The following PRKCA variants were observed in gnomAD, a reference collection of about 807,000 sequenced individuals.
PRKCA encodes protein kinase C alpha type.
In PRKCA, 27 loss-of-function variants were observed where a neutral mutation model predicts 87.0. That is an observed-to-expected ratio of 0.31 (90% CI 0.23 to 0.43). The LOEUF (loss-of-function observed/expected upper bound fraction) is 0.43. Ranked by LOEUF, PRKCA falls within the 20% of genes least tolerant of loss-of-function variation. The pLI, the probability that PRKCA is intolerant of heterozygous loss-of-function variation, is 1.00. For synonymous variants in PRKCA, 329 were observed against 311.1 expected, an observed-to-expected ratio of 1.06 and a Z score of -0.61; for missense variants, 518 against 852.3, an observed-to-expected ratio of 0.61 and a Z score of 4.88.
At chr17:66,634,278 T>C (rs1263550880) in intron 3 of PRKCA, among the ~76,000 whole-genome samples, 1 of 152,230 alleles carries the variant, frequency 6.6e-6, no homozygotes, top group Non-Finnish European at 1.5e-5. Context: ...AGTGATTAGC[T>C]CAAAGCCTTC....
intron 8 of PRKCA, among the ~76,000 whole-genome samples, chr17:66,715,128 T>G (rs539308099): frequency 4.0e-5 from 6 of 150,558 alleles, no homozygotes; most frequent in African/African-American, 1.5e-4. Flanking sequence ...TTTTGTTTTT[T>G]GGTTTTTTTT....
At chr17:66,768,157 C>T (rs907538276) in intron 13 of PRKCA, among the ~76,000 whole-genome samples, 18 of 151,858 alleles carry the variant, frequency 1.2e-4, no homozygotes, top group Admixed American at 2.6e-4. Context: ...TTGGCCACTC[C>T]GGTCCCAAAC....
chr17:66,507,707 C>T (rs187218495), intron 3 of PRKCA, among the ~76,000 whole-genome samples: 1 of 152,212 alleles, frequency 6.6e-6, no homozygotes, highest in Non-Finnish European at 1.5e-5. Flanking sequence ...TGGAAAGATC[C>T]GTTTCAAGTG....
intron 3 of PRKCA, among the ~76,000 whole-genome samples, chr17:66,526,186 T>G (rs979338751): frequency 6.6e-6 from 1 of 152,194 alleles, no homozygotes; most frequent in Non-Finnish European, 1.5e-5. Context: ...ATAGCTGAAA[T>G]ATGTGCCTAT....
At chr17:66,444,154 G>A (rs1033224721) in intron 2 of PRKCA, among the ~76,000 whole-genome samples, 9 of 152,194 alleles carry the variant, frequency 5.9e-5, no homozygotes, top group African/African-American at 1.9e-4. Flanking sequence ...ATTCAAAGGC[G>A]CGAGATGTCA....
chr17:66,777,333 A>G lies in PRKCA; in HGVS notation c.1605+3266A>G, dbSNP rs189424224. 1.7e-4 allele frequency: 168 copies of G among 985,312 alleles called. 1 individual carries two copies. In the East Asian group the frequency reaches 0.012, roughly 69 times the overall value. 61.0% of individuals were successfully genotyped at this position (985,312 alleles called of 1,614,324 possible). A position where few individuals can be genotyped will look rare whatever the true frequency, so the allele number is the denominator to read the frequency against. Reference sequence around the variant, plus strand: ...AATGGTCTTGTAGACATTGAAAGACATAAAGCTTTAGCCTGCATTTGATCA... The same window carrying G: ...AATGGTCTTGTAGACATTGAAAGACGTAAAGCTTTAGCCTGCATTTGATCA... On this transcript the variant is annotated intron_variant, in intron 14 of 16. Transcript: ENST00000413366.
At chr17:66,719,017 C>T (rs1354281565) in intron 8 of PRKCA, among the ~76,000 whole-genome samples, 1 of 152,124 alleles carries the variant, frequency 6.6e-6, no homozygotes, top group Non-Finnish European at 1.5e-5. Flanking sequence ...AATGTCTGTC[C>T]TTGTGCAGCT....
intron 5 of PRKCA, among the ~76,000 whole-genome samples, chr17:66,666,947 G>T (rs761543362): frequency 7.2e-5 from 11 of 152,116 alleles, no homozygotes; most frequent in Non-Finnish European, 1.3e-4. Context: ...GAAAACGAAG[G>T]CATAATCATG....
chr17:66,534,029 A>C (rs957508979), intron 3 of PRKCA, among the ~76,000 whole-genome samples: 1 of 152,134 alleles, frequency 6.6e-6, no homozygotes, highest in East Asian at 1.9e-4. Flanking sequence ...ATTTAGAGGC[A>C]ATAAGAAGAA....
chr17:66,715,749 C>G (rs577156582), intron 8 of PRKCA, among the ~76,000 whole-genome samples: 1 of 151,532 alleles, frequency 6.6e-6, no homozygotes, highest in Non-Finnish European at 1.5e-5. Flanking sequence ...TTTTTTGCAT[C>G]TGCGTAGATA....
At chr17:66,478,694 A>C (rs1389495654) in intron 2 of PRKCA, among the ~76,000 whole-genome samples, 2 of 152,210 alleles carry the variant, frequency 1.3e-5, no homozygotes, top group African/African-American at 2.4e-5. Flanking sequence ...AAATTAGAGA[A>C]TATAGATGAA....
intron 2 of PRKCA, among the ~76,000 whole-genome samples, chr17:66,430,934 T>C (rs1205379354): frequency 2.6e-5 from 4 of 152,196 alleles, no homozygotes; most frequent in Non-Finnish European, 4.4e-5. Flanking sequence ...ACTTACTGAC[T>C]GGCAGAGGGC....
At chr17:66,459,821 T>C (rs1297524754) in intron 2 of PRKCA, among the ~76,000 whole-genome samples, 1 of 152,222 alleles carries the variant, frequency 6.6e-6, no homozygotes, top group Non-Finnish European at 1.5e-5. Context: ...CTGATCTTTT[T>C]ACTTTTATTT....
At chr17:66,511,247 G>A (rs545372292) in intron 3 of PRKCA, among the ~76,000 whole-genome samples, 1 of 152,230 alleles carries the variant, frequency 6.6e-6, no homozygotes, top group South Asian at 2.1e-4. Context: ...ACTCGAAAAT[G>A]ATCTTCTCTG....
At chr17:66,735,396 C>A in intron 9 of PRKCA, 93 bp from the exon 10 acceptor site, 1 of 1,319,904 alleles carries the variant, frequency 7.6e-7, no homozygotes, top group Non-Finnish European at 1.1e-6. Context: ...GGTGCACAAA[C>A]TGTCACTGAG....
chr17:66,628,428 A>G (rs1231924526), intron 3 of PRKCA, among the ~76,000 whole-genome samples: 2 of 151,470 alleles, frequency 1.3e-5, no homozygotes, highest in Admixed American at 1.3e-4. Flanking sequence ...TTTATATTTA[A>G]TGACATGGAA....
Position 66,792,869 on chromosome 17 carries a change from G to T in PRKCA, c.1854+3890G>T, listed in dbSNP as rs1440040926. 6.6e-6 allele frequency among the ~76,000 whole-genome samples: 1 copy of T among 152,212 alleles called. No homozygotes were observed. Among genetic ancestry groups the T allele is most frequent in the Non-Finnish European group, 1.5e-5 (1 of 68,044 alleles). On this transcript the variant is annotated intron_variant, in intron 16 of 16. Transcript: ENST00000413366. This position sits in a 1 kb window ranked among gnomAD's most constrained non-coding sequence, Gnocchi z 4.5. ...TCTCCTGGCAGTGGCAAGCCTGGAG[G>T]CTGAGATGTGAGGGAAGAACCTGCC...
intron 2 of PRKCA, among the ~76,000 whole-genome samples, chr17:66,463,076 AGTT>A (rs1914929053): frequency 6.6e-6 from 1 of 152,000 alleles, no homozygotes; most frequent in Non-Finnish European, 1.5e-5. Flanking sequence ...TGCTGGGTGG[AGTT>A]GTTTACTCTC....
chr17:66,462,953 C>G (rs1421970772), intron 2 of PRKCA, among the ~76,000 whole-genome samples: 4 of 107,016 alleles, frequency 3.7e-5, no homozygotes, highest in African/African-American at 1.3e-4. Flanking sequence ...CACACACACA[C>G]ACACACACAC....
Sources: gnomAD v4.1 joint callset for allele counts (sites outside exome capture counted in the v4.1 genomes callset) on GRCh38, gnomAD v4.1.1 for gene constraint, Gnocchi (gnomAD v3.1) non-coding constraint, MANE v1.5 for transcripts, NCBI Gene and HGNC (gene_info 2026-07-23, HGNC 2026-07-21) for gene names.